The following PCDHGA5 variants were observed in gnomAD, a reference collection of about 807,000 sequenced individuals.
PCDHGA5 encodes the protein protocadherin gamma subfamily A, 5, also known as protocadherin gamma-A5.
PCDHGA5 carries 36 observed loss-of-function variants against 56.7 expected under a neutral mutation model. That is an observed-to-expected ratio of 0.64 (90% CI 0.49 to 0.84). The LOEUF (loss-of-function observed/expected upper bound fraction) is 0.84, where lower values mean the gene tolerates loss of function less well. Among genes scored for constraint, PCDHGA5 ranks in the 40% least tolerant of loss-of-function variants. The probability of loss-of-function intolerance (pLI) is 0.00; values close to 1 mark genes in which losing one functional copy is unlikely to be tolerated. For missense variants in PCDHGA5, 1,305 were observed against 1,201.5 expected (o/e 1.09, Z -1.27); for synonymous variants, 563 against 520.2 (o/e 1.08, Z -1.12).
rs2099746956 is a variant in PCDHGA5 at position 141,493,207 on chromosome 5, A to C, written c.2422-1600A>C. Among the ~76,000 whole-genome samples, 1 of 152,152 alleles carries C rather than the reference A, an allele frequency of 6.6e-6. No individual in the cohort carries two copies. The highest frequency in any genetic ancestry group is 2.4e-5 in the African/African-American group (1 of 41,442). On this transcript the variant is annotated intron_variant, in intron 1 of 3. Coordinates refer to ENST00000518069, the MANE Select transcript of PCDHGA5 (RefSeq NM_018918.3). The surrounding 1 kb of genome is among the most constrained non-coding windows in gnomAD (Gnocchi z 4.3). ...ATAACTCCTTTGAGAACCTCATCTC[A>C]TTTGCTCTTCCCACCATTGCTGTTG...
chr5:141,417,414 A>G (rs1255289735), intron 1 of PCDHGA5: 1 of 157,986 alleles, frequency 6.3e-6, no homozygotes, highest in Non-Finnish European at 1.4e-5. Flanking sequence ...TTCAAGATAT[A>G]TGTAAATTCA....
chr5:141,372,783 C>T lies in PCDHGA5; in HGVS notation c.2421+6032C>T, dbSNP rs1324941616. On this transcript the variant is annotated intron_variant, in intron 1 of 3. Coordinates refer to ENST00000518069, the MANE Select transcript of PCDHGA5 (RefSeq NM_018918.3). ...TGAAAGTAATGACAATCCAGAAATG[C>T]CTTCTAATTCAGGCAATTTGCAAAA... 5.0e-6 allele frequency: 8 copies of T among 1,606,014 alleles called. No homozygotes were observed. Among genetic ancestry groups the T allele is most frequent in the African/African-American group, 1.3e-5 (1 of 74,834 alleles).
At position 141,491,410 on chromosome 5, in the gene PCDHGA5, G is replaced by A. The variant is rs777207581; in HGVS notation, c.2422-3397G>A. The A allele has an allele frequency of 1.9e-6, 3 of 1,614,024 alleles. No homozygotes were observed. Among genetic ancestry groups the A allele is most frequent in the Admixed American group, 1.7e-5 (1 of 60,006 alleles). ...GTGCCTTCAGGGAAACGCAGACGGGGACGGGGGTGGAGGGCAGTGCTGCAG... is the reference window on the plus strand; with the variant it reads ...GTGCCTTCAGGGAAACGCAGACGGGAACGGGGGTGGAGGGCAGTGCTGCAG... On this transcript the variant is annotated intron_variant, in intron 1 of 3. Transcript: ENST00000518069. The surrounding 1 kb of genome is among the most constrained non-coding windows in gnomAD (Gnocchi z 6.9).
At chr5:141,382,720 T>A in intron 1 of PCDHGA5, 2 of 480,118 alleles carry the variant, frequency 4.2e-6, no homozygotes, top group South Asian at 6.2e-5. Flanking sequence ...AACCACCGAG[T>A]TTTACAGCAC....
At chr5:141,444,783 C>A (rs551686741) in intron 1 of PCDHGA5, among the ~76,000 whole-genome samples, 2 of 152,100 alleles carry the variant, frequency 1.3e-5, no homozygotes, top group Non-Finnish European at 2.9e-5. Context: ...GATCATGTTT[C>A]ATTTGTCTAT....
chr5:141,432,035 G>C lies in PCDHGA5; in HGVS notation c.2422-62772G>C. 6 of 1,614,218 alleles carry C rather than the reference G, an allele frequency of 3.7e-6. No homozygotes were observed. Among genetic ancestry groups the C allele is most frequent in the Non-Finnish European group, 5.1e-6 (6 of 1,180,046 alleles). ...CTACAACATCACAGTGACCGCCACT[G>C]ACCGGGGAACCCCGCCCCTATCCAC... On this transcript the variant is annotated intron_variant, in intron 1 of 3. Coordinates refer to ENST00000518069, the MANE Select transcript of PCDHGA5 (RefSeq NM_018918.3). The surrounding 1 kb of genome is among the most constrained non-coding windows in gnomAD (Gnocchi z 6.0).
chr5:141,491,247 G>A lies in PCDHGA5; in HGVS notation c.2422-3560G>A, dbSNP rs1356752106. ...CAGTGCTGCTGGTTCTGGAGGATGA[G>A]GACCCTGAGGAAATGCCCAAATCCA... On this transcript the variant is annotated intron_variant, in intron 1 of 3. Coordinates refer to ENST00000518069, the MANE Select transcript of PCDHGA5 (RefSeq NM_018918.3). The surrounding 1 kb of genome is among the most constrained non-coding windows in gnomAD (Gnocchi z 6.9). The A allele has an allele frequency of 3.2e-5, 51 of 1,614,192 alleles. No individual in the cohort carries two copies. The highest frequency in any genetic ancestry group is 4.3e-5 in the Non-Finnish European group (51 of 1,180,018).
chr5:141,438,627 TATATATATACACAC>T (rs1407400493), intron 1 of PCDHGA5, among the ~76,000 whole-genome samples: 2,053 of 47,724 alleles, frequency 0.043, 22 homozygotes, highest in African/African-American at 0.13. Context: ...TATATATATA[TATATATATACACAC>T]ACACACACAC....
intron 1 of PCDHGA5, chr5:141,428,826 A>G (rs190740602): frequency 1.3e-5 from 2 of 149,304 alleles, no homozygotes; most frequent in South Asian, 2.1e-4. Context: ...GCTTTCATGT[A>G]TTTTTGAAAC....
chr5:141,510,894 A>G, intron 3 of PCDHGA5, 53 bp from the exon 4 acceptor site: 2 of 1,612,850 alleles, frequency 1.2e-6, no homozygotes, highest in Non-Finnish European at 8.5e-7. Flanking sequence ...TAAGACAGTG[A>G]CTGTTGAGGA....
At chr5:141,422,302 G>A (rs749870505) in intron 1 of PCDHGA5, 2 of 1,549,012 alleles carry the variant, frequency 1.3e-6, no homozygotes, top group Admixed American at 4.3e-5. Flanking sequence ...TTCAATTCTG[G>A]AAAACTCTCC....
At chr5:141,499,061 G>A (rs1300036203) in intron 2 of PCDHGA5, among the ~76,000 whole-genome samples, 1 of 151,914 alleles carries the variant, frequency 6.6e-6, no homozygotes, top group African/African-American at 2.4e-5. Flanking sequence ...AAATGAAGAA[G>A]ACTTACATTC....
chr5:141,443,656 A>T (rs139300845), intron 1 of PCDHGA5, among the ~76,000 whole-genome samples: 1 of 152,256 alleles, frequency 6.6e-6, no homozygotes, highest in African/African-American at 2.4e-5. Flanking sequence ...TTAGCATAGC[A>T]TTTTACTGAA....
At chr5:141,455,289 A>G (rs1592356100) in intron 1 of PCDHGA5, among the ~76,000 whole-genome samples, 2 of 152,192 alleles carry the variant, frequency 1.3e-5, no homozygotes, top group East Asian at 3.9e-4. Context: ...ATCACTTTAC[A>G]TAGTTTCATC....
intron 1 of PCDHGA5, chr5:141,402,790 A>G: frequency 1.0e-6 from 1 of 961,364 alleles, no homozygotes; most frequent in Non-Finnish European, 1.5e-6. Flanking sequence ...TTCTGCGGCT[A>G]CACAAAACCC....
intron 1 of PCDHGA5, among the ~76,000 whole-genome samples, chr5:141,469,951 T>C (rs1467717372): frequency 6.6e-6 from 1 of 152,034 alleles, no homozygotes; most frequent in African/African-American, 2.4e-5. Flanking sequence ...GCCAGCATGG[T>C]GAAACCCCAT....
At chr5:141,423,346 G>T in intron 1 of PCDHGA5, 1 of 1,614,214 alleles carries the variant, frequency 6.2e-7, no homozygotes, top group South Asian at 1.1e-5. Context: ...CATCTTCCTG[G>T]TCTTTGTCAT....
At chr5:141,507,132 C>T (rs748716107) in intron 3 of PCDHGA5, 2 of 152,188 alleles carry the variant, frequency 1.3e-5, no homozygotes, top group African/African-American at 2.4e-5. Flanking sequence ...GATCCAGCCT[C>T]GGCTTCTCTA....
chr5:141,460,909 G>GGTGT (rs548378036), intron 1 of PCDHGA5, among the ~76,000 whole-genome samples: 1 of 123,246 alleles, frequency 8.1e-6, no homozygotes, highest in African/African-American at 3.7e-5. Flanking sequence ...AATATTCCAT[G>GGTGT]GTGTATATAT....
Sources: gnomAD v4.1 joint callset for allele counts (sites outside exome capture counted in the v4.1 genomes callset) on GRCh38, gnomAD v4.1.1 for gene constraint, Gnocchi (gnomAD v3.1) non-coding constraint, MANE v1.5 for transcripts, NCBI Gene and HGNC (gene_info 2026-07-23, HGNC 2026-07-21) for gene names.